The following BAZ2A variants were observed in gnomAD, a reference collection of about 807,000 sequenced individuals.
BAZ2A encodes bromodomain adjacent to zinc finger domain protein 2A.
Under a neutral mutation model 199.9 loss-of-function variants are expected in BAZ2A, and 34 were observed. That is an observed-to-expected ratio of 0.17 (90% CI 0.13 to 0.23). The LOEUF is 0.23. BAZ2A is among the 10% of genes least tolerant of loss of function. BAZ2A has a pLI of 1.00. For synonymous variants in BAZ2A, 857 were observed against 883.9 expected (o/e 0.97, Z 0.54); for missense variants, 2,002 against 2,391.1 (o/e 0.84, Z 3.39).
At chr12:56,599,075 CT>C in intron 27 of BAZ2A, 53 bp downstream of exon 27, 1 of 1,599,054 alleles carries the variant, frequency 6.3e-7, no homozygotes, top group Non-Finnish European at 8.5e-7. Context: ...CCTCCCAGCC[CT>C]TTCCTCTGGC....
At position 56,610,100 on chromosome 12, in the gene BAZ2A, C is replaced by T. The variant is rs996066337; in HGVS notation, c.1881+14G>A. ...CCTCAGGGACAAAAGCATATTTAAC[C>T]CTTGGGTCTGCACCTCTGGCGTGTC... On this transcript the variant is annotated intron_variant, in intron 9 of 28. Coordinates refer to ENST00000549884, the MANE Select transcript of BAZ2A (RefSeq NM_001300905.2). 1 of 1,613,208 alleles carries T rather than the reference C, an allele frequency of 6.2e-7. No homozygotes were observed. The highest frequency in any genetic ancestry group is 2.2e-5 in the East Asian group (1 of 44,880).
At chr12:56,617,615 C>T (rs1565828833) in intron 1 of BAZ2A, 83 bp from the exon 2 acceptor site, 4 of 1,415,380 alleles carry the variant, frequency 2.8e-6, no homozygotes, top group Non-Finnish European at 1.9e-6. Flanking sequence ...GGGCAATGAC[C>T]CCTCCCCTCC....
chr12:56,634,045 T>A (rs1355728424), upstream of BAZ2A, among the ~76,000 whole-genome samples: 1 of 152,166 alleles, frequency 6.6e-6, no homozygotes, highest in Non-Finnish European at 1.5e-5. Context: ...TTCTCCCCTT[T>A]AAGTCGACAG....
chr12:56,617,424 G>A lies in BAZ2A; in HGVS notation c.107C>T (p.Ser36Phe). The change falls in exon 2 of 29, where the codon TCT becomes TTT. Residue 36 changes from serine (S) to phenylalanine (F), a missense_variant. Ser to Phe is a radical substitution (Grantham distance 155). Transcript: ENST00000549884. Reference protein sequence around the residue: ...SSGEGLYTNGSPMNFPQQGKS... With the variant: ...SSGEGLYTNGFPMNFPQQGKS... Reference sequence around the variant, plus strand: ...CCCTTGCTGGGGGAAGTTCATGGGAGACCCGTTAGTGTAGAGGCCCTCCCC... The same window carrying A: ...CCCTTGCTGGGGGAAGTTCATGGGAAACCCGTTAGTGTAGAGGCCCTCCCC... The A allele has an allele frequency of 7.5e-6, 12 of 1,603,866 alleles. No individual in the cohort carries two copies. The highest frequency in any genetic ancestry group is 1.0e-5 in the Non-Finnish European group (12 of 1,175,338).
intron 1 of BAZ2A, 117 bp downstream of exon 1, chr12:56,630,008 C>T (rs1396635809): frequency 6.5e-6 from 5 of 765,520 alleles, no homozygotes; most frequent in Admixed American, 6.3e-5. Context: ...AAGCTCCCGT[C>T]GGCTTCCCGC....
rs554195653 is a variant in BAZ2A at position 56,611,311 on chromosome 12, A to G, written c.1670+262T>C. The G allele has an allele frequency of 4.5e-5, 25 of 553,546 alleles. 1 individual carries two copies. Among genetic ancestry groups the G allele is most frequent in the South Asian group, 3.0e-4 (14 of 46,626 alleles). The allele number at this position is 553,546 out of a possible 1,614,324, so 34.3% of individuals were successfully genotyped here. A position where few individuals can be genotyped will look rare whatever the true frequency, so the allele number is the denominator to read the frequency against. On this transcript the variant is annotated intron_variant, in intron 7 of 28. Transcript: ENST00000549884. Reference sequence around the variant, plus strand: ...ATGTGAGCCCTAGGGTTTGGAAAAGATAATAGCTGGAGCTCCTTGGGCAAA... The same window carrying G: ...ATGTGAGCCCTAGGGTTTGGAAAAGGTAATAGCTGGAGCTCCTTGGGCAAA...
At chr12:56,613,422 A>G (rs1020532359) in intron 4 of BAZ2A, among the ~76,000 whole-genome samples, 189 bp from the exon 5 acceptor site, 2 of 152,150 alleles carry the variant, frequency 1.3e-5, no homozygotes, top group African/African-American at 2.4e-5. Flanking sequence ...AGGGATCATA[A>G]AAGTTTGAGG....
At position 56,603,633 on chromosome 12, in the gene BAZ2A, G is replaced by A. The variant is rs759143910; in HGVS notation, c.3106C>T (p.Leu1036=). Residue 1036 remains leucine (L), a synonymous_variant, in exon 17 of 29, where the codon CTG becomes TTG. Transcript: ENST00000549884. ...EVEMEGPEEC[L]GRRRSSRIME... is the part of the protein sequence containing the mutation. ...ATCCGAGAACTGCGCCTCCGTCCCA[G>A]GCATTCCTCTGGCCCTTCCATCTCT... 132 of 1,613,906 alleles carry A rather than the reference G, an allele frequency of 8.2e-5. No homozygotes were observed. Among genetic ancestry groups the A allele is most frequent in the Non-Finnish European group, 1.0e-4 (120 of 1,179,916 alleles).
At position 56,601,407 on chromosome 12, in the gene BAZ2A, G is replaced by A. The variant is rs1425506245; in HGVS notation, c.4072-5C>T. 2 of 1,611,072 alleles carry A rather than the reference G, an allele frequency of 1.2e-6. No individual in the cohort carries two copies. The highest frequency in any genetic ancestry group is 1.7e-6 in the Non-Finnish European group (2 of 1,178,430). ...GGCAGCACTAGGTCTATTCATCTGT[G>A]AATAAAATGAGACATAAGGAAATGA... is the stretch of plus-strand genomic sequence containing the variant. On this transcript the variant is annotated splice_polypyrimidine_tract_variant and splice_region_variant and intron_variant, in intron 20 of 28. Coordinates refer to ENST00000549884, the MANE Select transcript of BAZ2A (RefSeq NM_001300905.2).
upstream of BAZ2A, chr12:56,630,777 T>C: frequency 1.0e-6 from 1 of 985,620 alleles, no homozygotes; most frequent in Non-Finnish European, 1.2e-6. Context: ...CCCACTCACC[T>C]CTGTCCCTTC....
rs1245194511 is a variant in BAZ2A at position 56,596,904 on chromosome 12, CCTTCAGTGGCT to C, written c.*1703_*1713del. On this transcript the variant is annotated 3_prime_UTR_variant, in exon 29 of 29. Coordinates refer to ENST00000549884, the MANE Select transcript of BAZ2A (RefSeq NM_001300905.2). ...CCCAGGACCTACACTGCCCCTACCC[CCTTCAGTGGCT>C]CTTCAGTGCTGCCAGAATACAAGGA... 6.6e-6 allele frequency: 1 copy of C among 152,486 alleles called. No individual in the cohort carries two copies. Among genetic ancestry groups the C allele is most frequent in the Non-Finnish European group, 1.5e-5 (1 of 68,076 alleles). 9.4% of individuals were successfully genotyped at this position (152,486 alleles called of 1,614,324 possible).
intron 6 of BAZ2A, 40 bp from the exon 7 acceptor site, chr12:56,611,673 AAT>A (rs762748421): frequency 6.5e-5 from 102 of 1,571,310 alleles, no homozygotes; most frequent in Non-Finnish European, 8.5e-5. Context: ...GTTCAAGCAA[AAT>A]ATTTAAACAA....
intron 4 of BAZ2A, 35 bp downstream of exon 4, chr12:56,613,918 T>C (rs1360777639): frequency 1.9e-6 from 3 of 1,593,090 alleles, no homozygotes; most frequent in South Asian, 1.1e-5. Context: ...CTACTCTGCA[T>C]GGATAAGTTA....
Position 56,600,062 on chromosome 12 carries a change from G to T in BAZ2A, c.4927C>A (p.Arg1643Ser). The change falls in exon 25 of 29, where the codon CGC becomes AGC. Residue 1643 changes from arginine (R) to serine (S), a missense_variant. Transcript: ENST00000549884. ...YEITPRIRVW[R>S]QTLERCRSAA... is the part of the protein sequence containing the mutation. Reference sequence around the variant, plus strand: ...CTCCGGCACCGCTCGAGGGTCTGGCGCCAGACACGAATGCGAGGGGTGATC... The same window carrying T: ...CTCCGGCACCGCTCGAGGGTCTGGCTCCAGACACGAATGCGAGGGGTGATC... The T allele has an allele frequency of 6.2e-7, 1 of 1,614,066 alleles. No individual in the cohort carries two copies. The highest frequency in any genetic ancestry group is 8.5e-7 in the Non-Finnish European group (1 of 1,179,898).
chr12:56,612,137 G>A lies in BAZ2A; in HGVS notation c.1245C>T (p.Ser415=). 1.2e-6 allele frequency: 2 copies of A among 1,613,940 alleles called. No individual in the cohort carries two copies. Among genetic ancestry groups the A allele is most frequent in the African/African-American group, 1.3e-5 (1 of 75,030 alleles). The part of the protein sequence containing the change: ...SLTQPAPDQS[S]TIQLHPATSP... The stretch of plus-strand genomic sequence containing the variant: ...AGGTTGCTGGATGTAGCTGAATAGT[G>A]GATGACTGATCAGGAGCTGGCTGGG... Residue 415 remains serine, a synonymous_variant, in exon 6 of 29, where the codon TCC becomes TCT. Coordinates refer to ENST00000549884, the MANE Select transcript of BAZ2A (RefSeq NM_001300905.2).
In BAZ2A at chr12:56,621,143, A is replaced by G. The variant is rs577056554; in HGVS notation, c.-2-3611T>C. On this transcript the variant is annotated intron_variant, in intron 1 of 28. Transcript: ENST00000549884. ...TCCCCTGGTGTGGAGGATACATGCA[A>G]CTTCCATCCTATGTGCAGTGGACTA... is the stretch of plus-strand genomic sequence containing the variant. 1.0e-4 allele frequency: 99 copies of G among 985,246 alleles called. No individual in the cohort carries two copies. In the South Asian group the frequency reaches 3.3e-3, roughly 33 times the overall value. The allele number at this position is 985,246 out of a possible 1,614,324, so 61.0% of individuals were successfully genotyped here.
rs367731696 is a variant in BAZ2A at position 56,599,148 on chromosome 12, T to A, written c.5383A>T (p.Ser1795Cys). Reference protein sequence around the residue: ...RRRLSMRNHHSDLTFCEIILM... With the variant: ...RRRLSMRNHHCDLTFCEIILM... ...ACTCACTCGCAAAATGTGAGATCAC[T>A]GTGGTGGTTCCGCATAGAGAGTCGC... Residue 1795 changes from serine (S) to cysteine (C), a missense_variant, in exon 27 of 29, where the codon AGT becomes TGT. This residue lies in a region of BAZ2A where 122 missense variants were observed against 123.0 expected (regional missense o/e 0.99). Coordinates refer to ENST00000549884, the MANE Select transcript of BAZ2A (RefSeq NM_001300905.2). The A allele has an allele frequency of 6.2e-7, 1 of 1,612,064 alleles. No homozygotes were observed. Among genetic ancestry groups the A allele is most frequent in the Non-Finnish European group, 8.5e-7 (1 of 1,179,268 alleles).
intron 13 of BAZ2A, 61 bp from the exon 14 acceptor site, chr12:56,605,388 T>A (rs1024731062): frequency 2.7e-6 from 4 of 1,474,362 alleles, no homozygotes; most frequent in Non-Finnish European, 9.1e-7. Context: ...ACAATTTGCA[T>A]GTCTACAAGA....
intron 15 of BAZ2A, 63 bp from the exon 16 acceptor site, chr12:56,604,354 G>A: frequency 6.7e-7 from 1 of 1,496,662 alleles, no homozygotes; most frequent in Non-Finnish European, 9.1e-7. Flanking sequence ...AGGCTCAAGG[G>A]TAAAGGGGCT....
Sources: allele counts gnomAD v4.1 joint callset (sites outside exome capture counted in the v4.1 genomes callset), GRCh38; gene constraint gnomAD v4.1.1; regional missense constraint gnomAD v4.1.1; transcripts MANE v1.5; gene names NCBI Gene and HGNC (gene_info 2026-07-23, HGNC 2026-07-21).